RILPL2: variants seen among roughly 807,000 people sequenced by gnomAD.
The protein encoded by RILPL2 is RILP-like protein 2.
RILPL2 carries 19 observed loss-of-function variants against 22.2 expected under a neutral mutation model. The observed-to-expected ratio is 0.86, with a 90% CI of 0.60 to 1.25. The LOEUF is 1.25. Ranked by LOEUF, RILPL2 falls within the 50% of genes most tolerant of loss-of-function variation. RILPL2 has a pLI of 0.00. For missense variants in RILPL2, 243 were observed against 263.6 expected (o/e 0.92, Z 0.54); for synonymous variants, 123 against 111.6 (o/e 1.10, Z -0.64).
chr12:123,409,550 C>CTTT, the RILPL2 span, among the ~76,000 whole-genome samples: 9,228 of 122,006 alleles, frequency 0.076, 914 homozygotes, highest in African/African-American at 0.23. Context: ...AAAGTTAATG[C>CTTT]TTTTTTTTTT....
chr12:123,425,144 G>T (rs1055939292), intron 2 of RILPL2, among the ~76,000 whole-genome samples: 2 of 151,786 alleles, frequency 1.3e-5, no homozygotes, highest in Non-Finnish European at 2.9e-5. Context: ...CTCCCAAAGT[G>T]CTGTACAGGC....
chr12:123,429,409 C>T (rs1879541793), intron 2 of RILPL2, among the ~76,000 whole-genome samples: 1 of 152,146 alleles, frequency 6.6e-6, no homozygotes, highest in African/African-American at 2.4e-5. Flanking sequence ...GATTCTCCTG[C>T]CTCAGCCTCC....
intron 1 of RILPL2, among the ~76,000 whole-genome samples, chr12:123,431,763 T>G (rs561546911): frequency 6.7e-6 from 1 of 150,150 alleles, no homozygotes; most frequent in Admixed American, 6.6e-5. Context: ...GAGACGGAGC[T>G]TGCAGTGAGC....
chr12:123,415,952 A>C, intron 3 of RILPL2, 31 bp from the exon 4 acceptor site: 2 of 1,613,678 alleles, frequency 1.2e-6, no homozygotes, highest in Non-Finnish European at 1.7e-6. Flanking sequence ...GTTCAGGGTA[A>C]GCAGAAGGAA....
Position 123,436,592 on chromosome 12 carries a change from G to C in RILPL2, c.-172C>G. On this transcript the variant is annotated 5_prime_UTR_variant, in exon 1 of 4. Coordinates refer to ENST00000280571, the MANE Select transcript of RILPL2 (RefSeq NM_145058.3). This position sits in a 1 kb window ranked among gnomAD's most constrained non-coding sequence, Gnocchi z 6.7. ...GCAAGGGGCCGCGCACGCGACTCTT[G>C]GGCCTGCGCCCCGGCGCACCGTCCC... The C allele has an allele frequency of 9.1e-7, 1 of 1,094,684 alleles. No individual in the cohort carries two copies. Among genetic ancestry groups the C allele is most frequent in the East Asian group, 2.6e-5 (1 of 38,216 alleles). The allele number at this position is 1,094,684 out of a possible 1,614,324, so 67.8% of individuals were successfully genotyped here.
chr12:123,430,350 A>C (rs936438718), intron 2 of RILPL2, among the ~76,000 whole-genome samples, 158 bp downstream of exon 2: 12 of 152,074 alleles, frequency 7.9e-5, no homozygotes, highest in Non-Finnish European at 1.0e-4. Context: ...CAGAGGTTGC[A>C]GTGAGCCGAG....
At chr12:123,433,183 T>C (rs1245501233) in intron 1 of RILPL2, among the ~76,000 whole-genome samples, 8 of 150,906 alleles carry the variant, frequency 5.3e-5, no homozygotes, top group Non-Finnish European at 1.2e-4. Flanking sequence ...CTCAGCTCAA[T>C]GCAACCTCTG....
chr12:123,427,443 C>T (rs1879473856), intron 2 of RILPL2, among the ~76,000 whole-genome samples: 1 of 152,112 alleles, frequency 6.6e-6, no homozygotes, highest in South Asian at 2.1e-4. Flanking sequence ...GAATCCACCT[C>T]TTGATGAAAG....
intron 2 of RILPL2, among the ~76,000 whole-genome samples, chr12:123,424,938 G>A (rs56042759): frequency 0.33 from 50,572 of 151,274 alleles, 9,414 homozygotes; most frequent in East Asian, 0.7. Context: ...CTGGAGTGGT[G>A]GCGCTACCTT....
chr12:123,436,076 A>G lies in RILPL2; in HGVS notation c.339+6T>C. 6.4e-7 allele frequency: 1 copy of G among 1,566,776 alleles called. No homozygotes were observed. The highest frequency in any genetic ancestry group is 8.7e-7 in the Non-Finnish European group (1 of 1,155,824). The stretch of plus-strand genomic sequence containing the variant: ...GTGGGCCCGGAACCCTCGCTCCCAC[A>G]CTCACCTCCCCGCTGGCCGGAGGGC... On this transcript the variant is annotated splice_donor_region_variant and intron_variant, in intron 1 of 3. Coordinates refer to ENST00000280571, the MANE Select transcript of RILPL2 (RefSeq NM_145058.3). The surrounding 1 kb of genome is among the most constrained non-coding windows in gnomAD (Gnocchi z 6.7).
In RILPL2 at chr12:123,415,128, G is replaced by A. The variant is rs746898722; in HGVS notation, c.*763C>T. On this transcript the variant is annotated 3_prime_UTR_variant, in exon 4 of 4. Coordinates refer to ENST00000280571, the MANE Select transcript of RILPL2 (RefSeq NM_145058.3). ...GTTCCTTTGCGAAGTGCAGACACCC[G>A]CTCTCTGTTTCATTGATTCCTAAAT... is the stretch of plus-strand genomic sequence containing the variant. The A allele has an allele frequency of 8.5e-5, 13 of 152,056 alleles. No individual in the cohort carries two copies. The highest frequency in any genetic ancestry group is 1.5e-4 in the Non-Finnish European group (10 of 68,032). 9.4% of individuals were successfully genotyped at this position (152,056 alleles called of 1,614,324 possible).
chr12:123,410,593 TCCA>T (rs1280420007), downstream of RILPL2: 1 of 152,176 alleles, frequency 6.6e-6, no homozygotes, highest in Non-Finnish European at 1.5e-5. Context: ...CTGCTTCCAA[TCCA>T]CTGCTGTGTA....
chr12:123,418,629 C>G (rs1879183556), intron 3 of RILPL2, among the ~76,000 whole-genome samples: 1 of 152,114 alleles, frequency 6.6e-6, no homozygotes, highest in Admixed American at 6.6e-5. Context: ...AAAGCTGCAG[C>G]CTACTGTCCT....
chr12:123,427,213 G>C (rs1394431550), intron 2 of RILPL2, among the ~76,000 whole-genome samples: 1 of 152,150 alleles, frequency 6.6e-6, no homozygotes, highest in Non-Finnish European at 1.5e-5. Context: ...GGGGCTGTCA[G>C]CAGGTGCGCC....
chr12:123,424,667 GT>G (rs551768617), intron 2 of RILPL2, among the ~76,000 whole-genome samples: 297 of 152,198 alleles, frequency 2.0e-3, no homozygotes, highest in African/African-American at 7.0e-3. Flanking sequence ...TTCCTTTTGT[GT>G]TTAAGCTAGT....
intron 2 of RILPL2, among the ~76,000 whole-genome samples, chr12:123,427,336 C>A (rs1879469418): frequency 6.6e-6 from 1 of 152,062 alleles, no homozygotes; most frequent in South Asian, 2.1e-4. Flanking sequence ...GGCCTCTTAC[C>A]AACTTAACCC....
chr12:123,418,756 C>CTTTTTTTTTTTTTTTTTTTTTTTTTT (rs1202023726), intron 3 of RILPL2, among the ~76,000 whole-genome samples: 1 of 96,240 alleles, frequency 1.0e-5, no homozygotes, highest in Non-Finnish European at 2.0e-5. Context: ...CTTTTTCTTT[C>CTTTTTTTTTTTTTTTTTTTTTTTTTT]TTTTTTTTTT....
At chr12:123,422,170 C>T (rs1045292127) in intron 3 of RILPL2, among the ~76,000 whole-genome samples, 7 of 151,632 alleles carry the variant, frequency 4.6e-5, no homozygotes, top group African/African-American at 1.5e-4. Context: ...GGCCACCACG[C>T]CCAGCTAATT....
chr12:123,420,954 G>A (rs1429285066), intron 3 of RILPL2, among the ~76,000 whole-genome samples: 2 of 152,092 alleles, frequency 1.3e-5, no homozygotes, highest in Non-Finnish European at 2.9e-5. Context: ...CAGTTTGCCC[G>A]TCTGTAAAAC....
Sources: allele counts gnomAD v4.1 joint callset (sites outside exome capture counted in the v4.1 genomes callset), GRCh38; gene constraint gnomAD v4.1.1; non-coding constraint Gnocchi (gnomAD v3.1); transcripts MANE v1.5; gene names NCBI Gene and HGNC (gene_info 2026-07-23, HGNC 2026-07-21).